PSD2: variants seen among roughly 807,000 people sequenced by gnomAD.
PSD2 encodes the protein PH and SEC7 domain-containing protein 2.
PSD2 carries 38 observed loss-of-function variants against 69.8 expected under a neutral mutation model. The ratio of observed to expected loss-of-function variants is 0.54; its 90% CI spans 0.42 to 0.71. The LOEUF is 0.71. PSD2 is among the 30% of genes least tolerant of loss of function. The pLI is 0.00. For synonymous variants in PSD2, 412 were observed against 423.0 expected (o/e 0.97, Z 0.32); for missense variants, 943 against 1,014.5 (o/e 0.93, Z 0.96).
the PSD2 span, among the ~76,000 whole-genome samples, chr5:139,782,815 T>C: frequency 6.6e-6 from 1 of 152,200 alleles, no homozygotes; most frequent in Non-Finnish European, 1.5e-5. Context: ...TGAAGGTCAC[T>C]TGGCTTTATT....
In PSD2 at chr5:139,838,619, T is replaced by A; in HGVS notation, c.1824-9T>A. On this transcript the variant is annotated splice_polypyrimidine_tract_variant and intron_variant, in intron 12 of 14. Transcript: ENST00000274710. ...AGAGGCCGGCACCCTCTCCCCCTCC[T>A]GTCCCCAGGAGCAAGGAAGAAATGC... is the stretch of plus-strand genomic sequence containing the variant. The A allele has an allele frequency of 6.2e-7, 1 of 1,609,344 alleles. No individual in the cohort carries two copies. Among genetic ancestry groups the A allele is most frequent in the South Asian group, 1.1e-5 (1 of 90,880 alleles).
chr5:139,777,457 C>T, the PSD2 span, among the ~76,000 whole-genome samples: 1 of 152,192 alleles, frequency 6.6e-6, no homozygotes, highest in East Asian at 1.9e-4. Flanking sequence ...AAGGCAACGT[C>T]TGTCTAACTT....
At chr5:139,822,643 G>A (rs1050732904) in intron 6 of PSD2, 83 bp from the exon 7 acceptor site, 2 of 1,272,830 alleles carry the variant, frequency 1.6e-6, no homozygotes, top group South Asian at 1.4e-5. Context: ...TGTGTCCAAG[G>A]TCTCCTGACG....
chr5:139,752,615 A>T, the PSD2 span, among the ~76,000 whole-genome samples: 1 of 152,184 alleles, frequency 6.6e-6, no homozygotes, highest in South Asian at 2.1e-4. Context: ...ACAGGCATGT[A>T]TACTCTCCCC....
At chr5:139,789,986 CACGGGG>C in the PSD2 span, among the ~76,000 whole-genome samples, 1 of 151,606 alleles carries the variant, frequency 6.6e-6, no homozygotes, top group Non-Finnish European at 1.5e-5. Context: ...CAGAGAGCAG[CACGGGG>C]CCGGGCGGGC....
At chr5:139,842,141 T>C in intron 14 of PSD2, 130 bp from the exon 15 acceptor site, 1 of 680,992 alleles carries the variant, frequency 1.5e-6, no homozygotes, top group Non-Finnish European at 2.5e-6. Flanking sequence ...TTAATTGGAC[T>C]GTTCATCTTC....
chr5:139,782,443 C>T, the PSD2 span, among the ~76,000 whole-genome samples: 1 of 151,358 alleles, frequency 6.6e-6, no homozygotes, highest in Non-Finnish European at 1.5e-5. Context: ...TTTGGCCTCC[C>T]AGAGTGCTGG....
the PSD2 span, among the ~76,000 whole-genome samples, chr5:139,766,930 CTTCTTTCTTTCTTTCTTTCTTTCTTTCT>C: frequency 1.4e-4 from 6 of 44,044 alleles, no homozygotes; most frequent in Non-Finnish European, 2.9e-4. Flanking sequence ...CCTTCCTTCC[CTTCTTTCTTTCTTTCTTTCTTTCTTTCT>C]TTCTTTCTTT....
rs1343016544 is a variant in PSD2, at chr5:139,839,039, T to C, written c.1968+267T>C. On this transcript the variant is annotated intron_variant, in intron 13 of 14. Transcript: ENST00000274710. This position sits in a 1 kb window ranked among gnomAD's most constrained non-coding sequence, Gnocchi z 5.1. ...GCATCCCTGTGGATGTGACCGAGAG[T>C]TGGTGGCCTTGTGTGCACCTGGGCA... Among the ~76,000 whole-genome samples the C allele has an allele frequency of 6.6e-6, 1 of 152,012 alleles. No individual in the cohort carries two copies. The highest frequency in any genetic ancestry group is 1.5e-5 in the Non-Finnish European group (1 of 67,978).
the PSD2 span, among the ~76,000 whole-genome samples, chr5:139,763,384 C>T: frequency 1.3e-5 from 2 of 152,192 alleles, no homozygotes; most frequent in Admixed American, 6.5e-5. Context: ...GGGGTGCCCA[C>T]CTTGTCAGGC....
At chr5:139,773,050 CAA>C in the PSD2 span, 1 of 152,112 alleles carries the variant, frequency 6.6e-6, no homozygotes, top group Admixed American at 6.5e-5. Context: ...ATATACATAA[CAA>C]AATTTATCAT....
chr5:139,809,722 G>A lies in PSD2; in HGVS notation c.282G>A (p.Ala94=), dbSNP rs146390261. Residue 94 remains alanine (A), a synonymous_variant, in exon 2 of 15, where the codon GCG becomes GCA. Transcript: ENST00000274710. ...ACTTGAACATTCTGGAAGATTCAGC[G>A]GAGTCCAGGCCCTGGAGGGCTGGCG... ...GPDLNILEDS[A]ESRPWRAGVL... is the part of the protein sequence containing the mutation. The A allele has an allele frequency of 1.1e-4, 182 of 1,614,092 alleles. No individual in the cohort carries two copies. The highest frequency in any genetic ancestry group is 5.3e-4 in the Admixed American group (32 of 60,008).
chr5:139,792,747 TTC>T, upstream of PSD2, among the ~76,000 whole-genome samples: 1 of 152,104 alleles, frequency 6.6e-6, no homozygotes, highest in East Asian at 1.9e-4. Context: ...TCTTTTTTCT[TTC>T]TTTCTTTCTC....
intron 5 of PSD2, among the ~76,000 whole-genome samples, chr5:139,819,338 C>T (rs1488631043): frequency 6.6e-6 from 1 of 152,166 alleles, no homozygotes; most frequent in Admixed American, 6.5e-5. Flanking sequence ...GTTGGGCAAA[C>T]CCCCTTGTTG....
At chr5:139,756,176 C>G in the PSD2 span, among the ~76,000 whole-genome samples, 1 of 152,190 alleles carries the variant, frequency 6.6e-6, no homozygotes, top group Non-Finnish European at 1.5e-5. Context: ...GGTTATTTCT[C>G]CCCCCTCTTC....
intron 1 of PSD2, among the ~76,000 whole-genome samples, chr5:139,798,500 T>C (rs1581706815): frequency 1.3e-5 from 2 of 152,162 alleles, no homozygotes; most frequent in East Asian, 3.9e-4. Flanking sequence ...ACCCCTGAGC[T>C]CCCCTCTTTG....
chr5:139,807,591 T>A (rs545139684), intron 1 of PSD2, among the ~76,000 whole-genome samples: 57 of 152,296 alleles, frequency 3.7e-4, no homozygotes, highest in African/African-American at 1.2e-3. Context: ...GCTTTTTTTT[T>A]AAAGTAAAAG....
the PSD2 span, among the ~76,000 whole-genome samples, chr5:139,782,524 A>C: frequency 1.2e-4 from 11 of 92,974 alleles, no homozygotes; most frequent in East Asian, 2.9e-4. Flanking sequence ...ACACAGTCTC[A>C]CTCCATAGCC....
At chr5:139,751,045 G>A in the PSD2 span, among the ~76,000 whole-genome samples, 1 of 152,198 alleles carries the variant, frequency 6.6e-6, no homozygotes, top group Non-Finnish European at 1.5e-5. Context: ...GGCCCCAAAT[G>A]TTCCTGGGGG....
Sources: gnomAD v4.1 joint callset for allele counts (sites outside exome capture counted in the v4.1 genomes callset) on GRCh38, gnomAD v4.1.1 for gene constraint, Gnocchi (gnomAD v3.1) non-coding constraint, MANE v1.5 for transcripts, NCBI Gene and HGNC (gene_info 2026-07-23, HGNC 2026-07-21) for gene names.